INTS7: variants seen among roughly 807,000 people sequenced by gnomAD.
INTS7 encodes integrator complex subunit 7, also known as chromosome 1 open reading frame 73.
A neutral mutation model predicts 109.2 loss-of-function variants in INTS7; 46 were observed. That is an observed-to-expected ratio of 0.42 (90% CI 0.33 to 0.54). The LOEUF (loss-of-function observed/expected upper bound fraction) is 0.54, where lower values mean the gene tolerates loss of function less well. INTS7 is among the 20% of genes least tolerant of loss of function. INTS7 has a pLI of 0.07. For missense variants in INTS7, 929 were observed against 1,132.4 expected, an observed-to-expected ratio of 0.82 and a Z score of 2.58; for synonymous variants, 412 against 402.9, an observed-to-expected ratio of 1.02 and a Z score of -0.27.
chr1:212,033,299 T>C (rs1181927151), intron 1 of INTS7, among the ~76,000 whole-genome samples: 1 of 152,218 alleles, frequency 6.6e-6, no homozygotes, highest in East Asian at 1.9e-4. Flanking sequence ...TACTCAACTA[T>C]ATTCTACACG....
intron 16 of INTS7, among the ~76,000 whole-genome samples, chr1:211,960,488 G>A (rs1663570120): frequency 6.6e-6 from 1 of 152,082 alleles, no homozygotes; most frequent in Non-Finnish European, 1.5e-5. Flanking sequence ...AGAAATCAGA[G>A]TATGGATGGG....
chr1:211,987,998 A>T lies in INTS7; in HGVS notation c.885T>A (p.Leu295=). Residue 295 remains leucine (L), a synonymous_variant, in exon 8 of 20, where the codon CTT becomes CTA. Transcript: ENST00000366994. ...AAGGAGTCTGGAGGGCACACTCACA[A>T]AGTGCCTGGAATGCAGAAGAGAAAT... ...HTWSRENIQA[L]CECALQTPYD... is the part of the protein sequence containing the mutation. 6.5e-7 allele frequency: 1 copy of T among 1,531,064 alleles called. No individual in the cohort carries two copies. The allele number at this position is 1,531,064 out of a possible 1,614,324, so 94.8% of individuals were successfully genotyped here.
At chr1:211,972,485 A>C (rs1187702640) in intron 13 of INTS7, among the ~76,000 whole-genome samples, 1 of 152,234 alleles carries the variant, frequency 6.6e-6, no homozygotes, top group Non-Finnish European at 1.5e-5. Context: ...TTCAACTGGC[A>C]TAATGCAAAT....
At chr1:211,958,359 G>T (rs1663458524) in intron 16 of INTS7, among the ~76,000 whole-genome samples, 1 of 151,896 alleles carries the variant, frequency 6.6e-6, no homozygotes. Context: ...TAATATTTCT[G>T]ATGAGAAATC....
chr1:211,969,945 C>T (rs112637771), intron 13 of INTS7, among the ~76,000 whole-genome samples: 4,919 of 152,150 alleles, frequency 0.032, 269 homozygotes, highest in African/African-American at 0.11. Flanking sequence ...GTCTCGATCT[C>T]CTGACCTCAT....
intron 17 of INTS7, among the ~76,000 whole-genome samples, chr1:211,952,247 A>G (rs1290054530): frequency 6.6e-6 from 1 of 152,230 alleles, no homozygotes; most frequent in Non-Finnish European, 1.5e-5. Context: ...CCTCAAAGTG[A>G]TTCTAATGTG....
intron 1 of INTS7, among the ~76,000 whole-genome samples, chr1:212,029,776 C>T (rs758176621): frequency 5.9e-5 from 9 of 152,200 alleles, no homozygotes; most frequent in Middle Eastern, 3.4e-3. Flanking sequence ...AACCATAACA[C>T]GAACATATCT....
chr1:211,941,452 G>A lies in INTS7; in HGVS notation c.*372C>T, dbSNP rs986418515. 5.3e-6 allele frequency: 1 copy of A among 189,498 alleles called. No homozygotes were observed. Among genetic ancestry groups the A allele is most frequent in the African/African-American group, 2.4e-5 (1 of 42,030 alleles). The allele number at this position is 189,498 out of a possible 1,614,324, so 11.7% of individuals were successfully genotyped here. On this transcript the variant is annotated 3_prime_UTR_variant, in exon 20 of 20. Coordinates refer to ENST00000366994, the MANE Select transcript of INTS7 (RefSeq NM_015434.4). ...GGCTCACTGCAAGCTCCGCCTCCCA[G>A]GTTCACACCATTCTCCTGCCTCAGC...
At position 212,035,445 on chromosome 1, in the gene INTS7, A is replaced by AGCCTACTAGCCATGACCCGAC; in HGVS notation, c.-9_-8insGTCGGGTCATGGCTAGTAGGC. On this transcript the variant is annotated 5_prime_UTR_variant, in exon 1 of 20. In the 5' UTR this introduces an upstream ATG that the reference lacks. Coordinates refer to ENST00000366994, the MANE Select transcript of INTS7 (RefSeq NM_015434.4). The stretch of plus-strand genomic sequence containing the variant: ...AGTTGAGTTTGACGCCATGACCCGA[A>AGCCTACTAGCCATGACCCGAC]TAGTTACTCGACTAGCCTAGTCAGA... 2.5e-6 allele frequency: 4 copies of AGCCTACTAGCCATGACCCGAC among 1,602,208 alleles called. No homozygotes were observed. Among genetic ancestry groups the AGCCTACTAGCCATGACCCGAC allele is most frequent in the Non-Finnish European group, 3.4e-6 (4 of 1,169,222 alleles).
intron 16 of INTS7, among the ~76,000 whole-genome samples, chr1:211,960,412 G>A (rs957703654): frequency 7.9e-5 from 12 of 152,024 alleles, no homozygotes; most frequent in African/African-American, 9.7e-5. Flanking sequence ...TTTTTCTTCC[G>A]AATGACTGCA....
intron 4 of INTS7, among the ~76,000 whole-genome samples, chr1:212,015,687 A>T (rs904767405): frequency 4.1e-5 from 6 of 146,602 alleles, no homozygotes; most frequent in Non-Finnish European, 7.5e-5. Context: ...TCCGAGAAAC[A>T]CCCAAGAATG....
At chr1:212,032,695 G>A (rs534006376) in intron 1 of INTS7, among the ~76,000 whole-genome samples, 39 of 152,228 alleles carry the variant, frequency 2.6e-4, no homozygotes, top group African/African-American at 9.4e-4. Context: ...TAGCCAGGAT[G>A]GTCTCGATCT....
intron 17 of INTS7, among the ~76,000 whole-genome samples, chr1:211,948,019 T>C (rs562244367): frequency 7.9e-5 from 12 of 152,356 alleles, no homozygotes; most frequent in Admixed American, 7.2e-4. Context: ...TTTCTATAAC[T>C]ATCTCTAATA....
At chr1:212,025,797 T>C (rs1666891370) in intron 1 of INTS7, 3 of 152,198 alleles carry the variant, frequency 2.0e-5, no homozygotes, top group Admixed American at 6.5e-5. Context: ...ATGCTGATTA[T>C]GTCCTCACAG....
rs1662647061 is a variant in INTS7, at chr1:211,941,880, G to A, written c.2833C>T (p.Gln945Ter). ...YSQQIRLQQQ[Q>*]AQQPLQQQQQ... ...TGCTGCTGTAATGGCTGCTGGGCTT[G>A]CTGCTGTTGTAAGCGAATTTGCTGG... The change falls in exon 20 of 20, where the codon CAA (glutamine) becomes TAA (stop). Residue 945 changes from glutamine (Q) to a stop codon, truncating the protein, a stop_gained. Transcript: ENST00000366994. LOFTEE classifies it high-confidence loss of function. The A allele has an allele frequency of 1.2e-6, 2 of 1,614,112 alleles. No homozygotes were observed. Among genetic ancestry groups the A allele is most frequent in the Non-Finnish European group, 1.7e-6 (2 of 1,180,044 alleles).
chr1:211,970,023 C>T (rs1357514934), intron 13 of INTS7, among the ~76,000 whole-genome samples: 2 of 151,868 alleles, frequency 1.3e-5, no homozygotes, highest in East Asian at 3.9e-4. Context: ...TGGCTGTGCC[C>T]AGCTAATTTT....
At chr1:211,997,054 TG>T (rs1206409697) in intron 7 of INTS7, among the ~76,000 whole-genome samples, 2 of 151,548 alleles carry the variant, frequency 1.3e-5, no homozygotes, top group Non-Finnish European at 2.9e-5. Flanking sequence ...TAAAAACCAC[TG>T]ATAAGATGCG....
At chr1:211,988,839 C>T (rs1558041311) in intron 7 of INTS7, among the ~76,000 whole-genome samples, 1 of 152,136 alleles carries the variant, frequency 6.6e-6, no homozygotes, top group Non-Finnish European at 1.5e-5. Context: ...AGCTATCTTC[C>T]TCCCATTTCT....
intron 1 of INTS7, among the ~76,000 whole-genome samples, chr1:212,032,959 T>G (rs564212519): frequency 6.6e-6 from 1 of 152,348 alleles, no homozygotes; most frequent in Admixed American, 6.5e-5. Flanking sequence ...TTTTCTCCAG[T>G]CCCTTTCATT....
Sources: gnomAD v4.1 joint callset for allele counts (sites outside exome capture counted in the v4.1 genomes callset) on GRCh38, gnomAD v4.1.1 for gene constraint, MANE v1.5 for transcripts, NCBI Gene and HGNC (gene_info 2026-07-23, HGNC 2026-07-21) for gene names.